The following IQCJ variants were observed in gnomAD, a reference collection of about 807,000 sequenced individuals.
IQCJ encodes IQ domain-containing protein J.
Under a neutral mutation model 11.0 loss-of-function variants are expected in IQCJ, and 9 were observed. The ratio of observed to expected loss-of-function variants is 0.82; its 90% confidence interval spans 0.49 to 1.43. IQCJ has a LOEUF of 1.43. Among genes scored for constraint, IQCJ ranks in the 40% most tolerant of loss-of-function variants. The probability of loss-of-function intolerance (pLI) is 0.00; values close to 1 mark genes in which losing one functional copy is unlikely to be tolerated. For missense variants in IQCJ, 146 were observed against 133.2 expected (o/e 1.10, Z -0.47); for synonymous variants, 55 against 51.3 (o/e 1.07, Z -0.31).
intron 2 of IQCJ, among the ~76,000 whole-genome samples, chr3:159,251,135 G>A (rs1347012633): frequency 1.3e-5 from 2 of 152,066 alleles, no homozygotes; most frequent in African/African-American, 2.4e-5. Flanking sequence ...ATCTTGGGGT[G>A]CTGACACCAC....
intron 1 of IQCJ, among the ~76,000 whole-genome samples, chr3:159,176,178 A>G (rs60028042): frequency 0.039 from 5,888 of 151,162 alleles, 380 homozygotes; most frequent in African/African-American, 0.14. Flanking sequence ...TATATTATGC[A>G]TAAAAGTCTT....
chr3:159,071,807 T>G (rs1715581818), intron 1 of IQCJ, among the ~76,000 whole-genome samples: 1 of 152,094 alleles, frequency 6.6e-6, no homozygotes, highest in Non-Finnish European at 1.5e-5. Flanking sequence ...AGGCCTTTAT[T>G]TTATGAAACA....
At chr3:159,175,381 G>A (rs1270404606) in intron 1 of IQCJ, among the ~76,000 whole-genome samples, 1 of 152,178 alleles carries the variant, frequency 6.6e-6, no homozygotes, top group African/African-American at 2.4e-5. Flanking sequence ...TGAAGTGGGA[G>A]GATCACTTGA....
chr3:159,150,254 A>G (rs1432531381), intron 1 of IQCJ, among the ~76,000 whole-genome samples: 1 of 152,158 alleles, frequency 6.6e-6, no homozygotes, highest in Non-Finnish European at 1.5e-5. Flanking sequence ...AAACCGATAG[A>G]AAGTATATTG....
At chr3:159,242,704 C>T (rs1338055580) in intron 1 of IQCJ, among the ~76,000 whole-genome samples, 1 of 151,784 alleles carries the variant, frequency 6.6e-6, no homozygotes, top group Non-Finnish European at 1.5e-5. Context: ...ATTAATTGAC[C>T]ATACACCTGA....
intron 1 of IQCJ, among the ~76,000 whole-genome samples, chr3:159,120,246 C>T (rs73877509): frequency 0.017 from 2,610 of 152,226 alleles, 65 homozygotes; most frequent in African/African-American, 0.06. Context: ...GTAACAGCAA[C>T]CTCAAAATGC....
At chr3:159,126,158 G>A (rs1197375509) in intron 1 of IQCJ, among the ~76,000 whole-genome samples, 2 of 152,222 alleles carry the variant, frequency 1.3e-5, no homozygotes, top group Non-Finnish European at 2.9e-5. Flanking sequence ...GCAGTGTGAA[G>A]TCAGAGTGGA....
chr3:159,207,363 G>C (rs769923988), intron 1 of IQCJ, among the ~76,000 whole-genome samples: 1 of 152,238 alleles, frequency 6.6e-6, no homozygotes, highest in East Asian at 1.9e-4. Flanking sequence ...GTAGAAAAAG[G>C]CTTTATTGTT....
rs553022050 is a variant in IQCJ at position 159,245,332 on chromosome 3, T to A, written c.10-511T>A. Among the ~76,000 whole-genome samples the A allele has an allele frequency of 6.0e-5, 9 of 151,200 alleles. No homozygotes were observed. In the East Asian group the frequency reaches 1.8e-3, roughly 29 times the overall value. On this transcript the variant is annotated intron_variant, in intron 1 of 3. Transcript: ENST00000397832. The stretch of plus-strand genomic sequence containing the variant: ...ACATATCCAAATTCTGAAAAACTGA[T>A]AGGAAACATTAGTGAGTAAAAAAAA...
At chr3:159,246,320 A>G (rs938612966) in intron 2 of IQCJ, among the ~76,000 whole-genome samples, 6 of 152,244 alleles carry the variant, frequency 3.9e-5, no homozygotes, top group Non-Finnish European at 8.8e-5. Context: ...AAATAAAGCA[A>G]AAAAGAAGAG....
chr3:159,086,500 C>T (rs1716785220), intron 1 of IQCJ, among the ~76,000 whole-genome samples: 1 of 152,170 alleles, frequency 6.6e-6, no homozygotes, highest in Non-Finnish European at 1.5e-5. Context: ...GTGTAAATTA[C>T]CTTGGGCAGT....
intron 1 of IQCJ, among the ~76,000 whole-genome samples, chr3:159,227,678 G>C (rs117395636): frequency 6.6e-6 from 1 of 152,276 alleles, no homozygotes; most frequent in East Asian, 1.9e-4. Flanking sequence ...TCTAATTCTG[G>C]CGGGAACATT....
chr3:159,147,138 T>G (rs1429921869), intron 1 of IQCJ, among the ~76,000 whole-genome samples: 1 of 152,246 alleles, frequency 6.6e-6, no homozygotes, highest in Non-Finnish European at 1.5e-5. Context: ...TAATTTTTAC[T>G]AAAGTCATGC....
At chr3:159,259,297 A>G (rs1728073545) in intron 3 of IQCJ, among the ~76,000 whole-genome samples, 1 of 152,238 alleles carries the variant, frequency 6.6e-6, no homozygotes, top group South Asian at 2.1e-4. Flanking sequence ...TGTATTTGTC[A>G]TCTGTTTAGA....
rs768236196 is a variant in IQCJ at position 159,263,288 on chromosome 3, A to G, written c.*557A>G. On this transcript the variant is annotated 3_prime_UTR_variant, in exon 4 of 4. Transcript: ENST00000397832. ...CCAAATGTGATTTTCTTTCTTCAGG[A>G]CATGTCAGAAATCTGCATTTTTAAG... 5.4e-4 allele frequency: 199 copies of G among 365,882 alleles called. No individual in the cohort carries two copies. Among genetic ancestry groups the G allele is most frequent in the Non-Finnish European group, 7.3e-4 (192 of 264,004 alleles). 22.7% of individuals were successfully genotyped at this position (365,882 alleles called of 1,614,324 possible). A position where few individuals can be genotyped will look rare whatever the true frequency, so the allele number is the denominator to read the frequency against.
intron 1 of IQCJ, among the ~76,000 whole-genome samples, chr3:159,192,230 T>C (rs1181005145): frequency 6.6e-6 from 1 of 152,212 alleles, no homozygotes; most frequent in Non-Finnish European, 1.5e-5. Flanking sequence ...TTAAATGTTA[T>C]TGATAATTTA....
chr3:159,192,796 A>G (rs1004232790), intron 1 of IQCJ, among the ~76,000 whole-genome samples: 1 of 152,210 alleles, frequency 6.6e-6, no homozygotes, highest in Non-Finnish European at 1.5e-5. Context: ...TATTCCTTGC[A>G]TGCTCAGGTT....
chr3:159,233,998 T>C (rs1726426414), intron 1 of IQCJ, among the ~76,000 whole-genome samples: 1 of 152,130 alleles, frequency 6.6e-6, no homozygotes. Context: ...CATTACAACT[T>C]CTTTACAAAT....
At chr3:159,160,787 G>T (rs1048717160) in intron 1 of IQCJ, among the ~76,000 whole-genome samples, 2 of 149,028 alleles carry the variant, frequency 1.3e-5, no homozygotes, top group African/African-American at 5.0e-5. Flanking sequence ...GCGGTGTTTG[G>T]TTTTTTGTTC....
Sources: allele counts gnomAD v4.1 joint callset (sites outside exome capture counted in the v4.1 genomes callset), GRCh38; gene constraint gnomAD v4.1.1; transcripts MANE v1.5; gene names NCBI Gene and HGNC (gene_info 2026-07-23, HGNC 2026-07-21).